Variants in YPEL1 observed in about 807,000 individuals in gnomAD.
YPEL1 encodes yippee like 1.
A neutral mutation model predicts 17.3 loss-of-function variants in YPEL1; 7 were observed. That is an observed-to-expected ratio of 0.40 (90% confidence interval 0.23 to 0.76). The LOEUF (loss-of-function observed/expected upper bound fraction) is 0.76, where lower values mean the gene tolerates loss of function less well. Among genes scored for constraint, YPEL1 ranks in the 30% least tolerant of loss-of-function variants. YPEL1 has a pLI of 0.35. For synonymous variants in YPEL1, 59 were observed against 59.6 expected (o/e 0.99, Z 0.05); for missense variants, 91 against 155.5 (o/e 0.59, Z 2.21).
intron 4 of YPEL1, among the ~76,000 whole-genome samples, chr22:21,701,898 A>C (rs897903546): frequency 6.6e-6 from 1 of 152,212 alleles, no homozygotes; most frequent in Non-Finnish European, 1.5e-5. Flanking sequence ...TTCTACAAAA[A>C]TCAAAAACTT....
At chr22:21,733,617 A>T (rs1049233885) in intron 1 of YPEL1, among the ~76,000 whole-genome samples, 20 of 150,764 alleles carry the variant, frequency 1.3e-4, no homozygotes, top group Non-Finnish European at 1.8e-4. Context: ...GTTTCCAGCT[A>T]CTCAGAAGGC....
chr22:21,704,238 G>A (rs776086143), intron 2 of YPEL1: 50 of 711,050 alleles, frequency 7.0e-5, no homozygotes, highest in Non-Finnish European at 1.2e-4. Flanking sequence ...TTCTCTACCC[G>A]AAAACCCACA....
intron 1 of YPEL1, among the ~76,000 whole-genome samples, chr22:21,717,830 A>T (rs2068242134): frequency 6.6e-6 from 1 of 152,214 alleles, no homozygotes; most frequent in Non-Finnish European, 1.5e-5. Flanking sequence ...AATATCTTTC[A>T]AGAAGTGGGG....
chr22:21,717,581 A>T (rs2068239856), intron 1 of YPEL1, among the ~76,000 whole-genome samples: 1 of 152,186 alleles, frequency 6.6e-6, no homozygotes, highest in South Asian at 2.1e-4. Context: ...AGACTTAAAA[A>T]GCCCAACAGT....
intron 1 of YPEL1, among the ~76,000 whole-genome samples, chr22:21,728,154 G>A (rs192842324): frequency 3.3e-5 from 5 of 152,252 alleles, no homozygotes; most frequent in East Asian, 1.9e-4. Flanking sequence ...GGAGGAGAGG[G>A]ATGAGCGGTG....
At position 21,700,987 on chromosome 22, in the gene YPEL1, G is replaced by T. The variant is rs1306008938; in HGVS notation, c.*142C>A. 1 of 641,276 alleles carries T rather than the reference G, an allele frequency of 1.6e-6. No homozygotes were observed. The highest frequency in any genetic ancestry group is 2.7e-6 in the Non-Finnish European group (1 of 366,914). 39.7% of individuals were successfully genotyped at this position (641,276 alleles called of 1,614,324 possible). A position where few individuals can be genotyped will look rare whatever the true frequency, so the allele number is the denominator to read the frequency against. ...GAGGGACACCTTACCCACAGAGATGGCCGAGAGTGTCAAGAGCTATGCGCA... is the reference window on the plus strand; with the variant it reads ...GAGGGACACCTTACCCACAGAGATGTCCGAGAGTGTCAAGAGCTATGCGCA... On this transcript the variant is annotated 3_prime_UTR_variant, in exon 5 of 5. Transcript: ENST00000339468.
intron 2 of YPEL1, among the ~76,000 whole-genome samples, chr22:21,708,464 T>A (rs985078878): frequency 6.0e-5 from 9 of 149,014 alleles, no homozygotes; most frequent in Non-Finnish European, 1.0e-4. Flanking sequence ...GTCTCCCAAA[T>A]AGCTGGGATT....
intron 4 of YPEL1, among the ~76,000 whole-genome samples, chr22:21,702,986 T>A (rs529143423): frequency 6.6e-6 from 1 of 152,210 alleles, no homozygotes; most frequent in Non-Finnish European, 1.5e-5. Context: ...GGTCTGGCGC[T>A]GAGGTCTTCT....
chr22:21,727,547 A>G (rs558040154), intron 1 of YPEL1, among the ~76,000 whole-genome samples: 36 of 152,320 alleles, frequency 2.4e-4, no homozygotes, highest in Non-Finnish European at 4.1e-4. Flanking sequence ...AGCAAAAACA[A>G]TTTTCTGGAA....
rs780539913 is a variant in YPEL1, at chr22:21,710,757, C to T, written c.-13G>A. ...TCATTTTCACCATCTCTCCTGGGCACTCCTCACTCAGCTCAGGGCTGGTTC... is the reference window on the plus strand; with the variant it reads ...TCATTTTCACCATCTCTCCTGGGCATTCCTCACTCAGCTCAGGGCTGGTTC... On this transcript the variant is annotated 5_prime_UTR_variant, in exon 2 of 5. The change creates a new upstream start codon in the 5' untranslated region. Coordinates refer to ENST00000339468, the MANE Select transcript of YPEL1 (RefSeq NM_013313.5). The T allele has an allele frequency of 4.4e-6, 7 of 1,608,366 alleles. No homozygotes were observed. The highest frequency in any genetic ancestry group is 6.0e-6 in the Non-Finnish European group (7 of 1,174,722).
At chr22:21,722,583 T>C (rs1454059842) in intron 1 of YPEL1, among the ~76,000 whole-genome samples, 1 of 150,264 alleles carries the variant, frequency 6.7e-6, no homozygotes, top group Non-Finnish European at 1.5e-5. Flanking sequence ...TGCCACTGCA[T>C]TCCAGCCTAG....
At chr22:21,705,990 C>T (rs2068111889) in intron 2 of YPEL1, among the ~76,000 whole-genome samples, 1 of 151,534 alleles carries the variant, frequency 6.6e-6, no homozygotes, top group South Asian at 2.1e-4. Flanking sequence ...ATTAGCTGGG[C>T]ATGGTGGAGG....
chr22:21,702,470 G>A (rs903477682), intron 4 of YPEL1, among the ~76,000 whole-genome samples: 16 of 152,170 alleles, frequency 1.1e-4, no homozygotes, highest in Admixed American at 5.9e-4. Context: ...GCCTGGACCC[G>A]AAGAACACCA....
chr22:21,717,148 G>T (rs537123151), intron 1 of YPEL1, among the ~76,000 whole-genome samples: 1 of 149,086 alleles, frequency 6.7e-6, no homozygotes, highest in African/African-American at 2.6e-5. Flanking sequence ...GGGGGGGCGG[G>T]GGGCGGATCA....
rs557677997 is a variant in YPEL1, at chr22:21,714,938, G to A, written c.-164-4030C>T. On this transcript the variant is annotated intron_variant, in intron 1 of 4. Coordinates refer to ENST00000339468, the MANE Select transcript of YPEL1 (RefSeq NM_013313.5). ...GTCCTTTCCTTACTGATTCGTAGGA[G>A]TAAGTGATATATTCTGAAAACTAAA... Among the ~76,000 whole-genome samples, 6 of 152,292 alleles carry A rather than the reference G, an allele frequency of 3.9e-5. 1 individual carries two copies. In the South Asian group the frequency reaches 6.2e-4, roughly 16 times the overall value.
At chr22:21,712,367 T>TAAAAAA (rs34536579) in intron 1 of YPEL1, among the ~76,000 whole-genome samples, 53 of 130,474 alleles carry the variant, frequency 4.1e-4, no homozygotes, top group Non-Finnish European at 5.0e-4. Context: ...TTGGAATATG[T>TAAAAAA]AAAAAAAAAA....
intron 1 of YPEL1, among the ~76,000 whole-genome samples, chr22:21,731,990 C>T (rs1447920650): frequency 6.6e-6 from 1 of 152,220 alleles, no homozygotes; most frequent in Non-Finnish European, 1.5e-5. Context: ...GGAATCCCGG[C>T]CCCGGCCCAA....
chr22:21,718,307 CA>C (rs1220679348), intron 1 of YPEL1, among the ~76,000 whole-genome samples: 1 of 150,876 alleles, frequency 6.6e-6, no homozygotes, highest in South Asian at 2.1e-4. Context: ...ACTAAAAATA[CA>C]AAAAAAATTA....
At chr22:21,701,968 T>C (rs1384959872) in intron 4 of YPEL1, among the ~76,000 whole-genome samples, 1 of 152,148 alleles carries the variant, frequency 6.6e-6, no homozygotes, top group Non-Finnish European at 1.5e-5. Context: ...GGAGGACTGC[T>C]TCAGCCCAGA....
Sources: allele counts gnomAD v4.1 joint callset (sites outside exome capture counted in the v4.1 genomes callset), GRCh38; gene constraint gnomAD v4.1.1; transcripts MANE v1.5; gene names NCBI Gene and HGNC (gene_info 2026-07-23, HGNC 2026-07-21).